Variants in KAZN observed in about 807,000 individuals in gnomAD.
KAZN encodes the protein kazrin.
KAZN carries 40 observed loss-of-function variants against 87.4 expected under a neutral mutation model. That is an observed-to-expected ratio of 0.46 (90% CI 0.36 to 0.60). The LOEUF is 0.60. Ranked by LOEUF, KAZN falls within the 20% of genes least tolerant of loss-of-function variation. The pLI, the probability that KAZN is intolerant of heterozygous loss-of-function variation, is 0.00. For synonymous variants in KAZN, 466 were observed against 458.3 expected (o/e 1.02, Z -0.22); for missense variants, 898 against 1,073.9 (o/e 0.84, Z 2.29).
At chr1:14,247,279 C>T (rs1003417192) in intron 2 of KAZN, among the ~76,000 whole-genome samples, 3 of 152,090 alleles carry the variant, frequency 2.0e-5, no homozygotes, top group African/African-American at 7.2e-5. Context: ...AGTTAAAAAT[C>T]AAGGTAATTT....
At chr1:14,514,644 A>C (rs1318504101) in intron 2 of KAZN, among the ~76,000 whole-genome samples, 4 of 70,706 alleles carry the variant, frequency 5.7e-5, no homozygotes, top group Non-Finnish European at 1.1e-4. Context: ...TATATATCTC[A>C]AATTGCAAAA....
At chr1:14,963,036 G>A (rs1664070740) in intron 2 of KAZN, among the ~76,000 whole-genome samples, 1 of 152,154 alleles carries the variant, frequency 6.6e-6, no homozygotes, top group Admixed American at 6.5e-5. Context: ...GTCTGGAAAG[G>A]TGATAGTTAG....
At chr1:14,757,105 G>A (rs1451629211) in intron 1 of KAZN, among the ~76,000 whole-genome samples, 1 of 152,212 alleles carries the variant, frequency 6.6e-6, no homozygotes, top group African/African-American at 2.4e-5. Flanking sequence ...AGGATTTCAA[G>A]GCCAGTGACT....
At chr1:14,950,089 C>T (rs1662300957) in intron 1 of KAZN, among the ~76,000 whole-genome samples, 1 of 152,126 alleles carries the variant, frequency 6.6e-6, no homozygotes, top group Admixed American at 6.5e-5. Context: ...CCTCCACACC[C>T]ACCCGTAGTA....
chr1:14,197,387 TAAA>T (rs35290614), intron 2 of KAZN, among the ~76,000 whole-genome samples: 64 of 102,272 alleles, frequency 6.3e-4, no homozygotes, highest in African/African-American at 2.0e-3. Context: ...AAGTAAATGT[TAAA>T]AAAAAAAAAA....
chr1:14,102,822 G>T (rs187206665), intron 1 of KAZN, among the ~76,000 whole-genome samples: 61 of 152,162 alleles, frequency 4.0e-4, no homozygotes, highest in Admixed American at 2.0e-3. Context: ...TGAGATCAAG[G>T]TGTCAGCAGG....
chr1:14,915,127 C>T (rs1368241236), intron 1 of KAZN, among the ~76,000 whole-genome samples: 2 of 152,102 alleles, frequency 1.3e-5, no homozygotes. Flanking sequence ...GCGGAGGTTG[C>T]GGTGAGCCAA....
intron 1 of KAZN, among the ~76,000 whole-genome samples, chr1:14,656,677 C>G (rs534058431): frequency 6.6e-6 from 1 of 152,098 alleles, no homozygotes; most frequent in Non-Finnish European, 1.5e-5. Flanking sequence ...CTTACATGGC[C>G]GGAGAAGGAG....
At chr1:14,404,515 A>C (rs551823725) in intron 2 of KAZN, among the ~76,000 whole-genome samples, 8 of 152,304 alleles carry the variant, frequency 5.3e-5, no homozygotes, top group African/African-American at 1.7e-4. Context: ...ACAACAACAA[A>C]AAAATGCATG....
intron 2 of KAZN, among the ~76,000 whole-genome samples, chr1:14,972,326 G>A (rs1338100000): frequency 6.6e-6 from 1 of 152,164 alleles, no homozygotes; most frequent in Non-Finnish European, 1.5e-5. Flanking sequence ...GCAGGGGAGG[G>A]TCATCTTCAG....
chr1:14,932,621 T>C (rs889258134), intron 1 of KAZN, among the ~76,000 whole-genome samples: 1 of 152,112 alleles, frequency 6.6e-6, no homozygotes, highest in African/African-American at 2.4e-5. Context: ...CATGAGTGTT[T>C]CCAAGGCCCG....
chr1:14,707,382 C>A (rs991121649), intron 1 of KAZN, among the ~76,000 whole-genome samples: 4 of 152,204 alleles, frequency 2.6e-5, no homozygotes, highest in African/African-American at 9.6e-5. Context: ...GTCACAATAA[C>A]CAGAGATGTA....
intron 1 of KAZN, among the ~76,000 whole-genome samples, chr1:14,918,735 T>A (rs938467504): frequency 1.8e-5 from 2 of 113,004 alleles, no homozygotes; most frequent in Non-Finnish European, 3.6e-5. Flanking sequence ...TATATATATA[T>A]ATATATATAT....
chr1:15,079,002 C>T (rs1343790360), intron 8 of KAZN, among the ~76,000 whole-genome samples: 5 of 152,164 alleles, frequency 3.3e-5, no homozygotes, highest in South Asian at 2.1e-4. Context: ...AAGAAACTCC[C>T]GGGAGGCAGT....
At chr1:15,093,874 T>C (rs970088355) in intron 8 of KAZN, among the ~76,000 whole-genome samples, 11 of 152,342 alleles carry the variant, frequency 7.2e-5, no homozygotes, top group Admixed American at 6.5e-4. Context: ...CGGCTTGACT[T>C]TTCCCTTTGG....
intron 1 of KAZN, among the ~76,000 whole-genome samples, chr1:14,823,064 G>A (rs888455217): frequency 1.3e-5 from 2 of 152,106 alleles, no homozygotes; most frequent in African/African-American, 4.8e-5. Context: ...GTGTTTGCTG[G>A]GGAGACAACT....
At chr1:14,688,219 G>C (rs1490388042) in intron 1 of KAZN, among the ~76,000 whole-genome samples, 1 of 152,218 alleles carries the variant, frequency 6.6e-6, no homozygotes, top group Non-Finnish European at 1.5e-5. Context: ...GTTCTAGCTA[G>C]CTGGCCATGG....
At chr1:14,924,079 C>G (rs1398021759) in intron 1 of KAZN, 1 of 954,578 alleles carries the variant, frequency 1.0e-6, no homozygotes, top group Non-Finnish European at 1.2e-6. Context: ...CGGGGCGAGC[C>G]TCGGCAGTCG....
intron 2 of KAZN, among the ~76,000 whole-genome samples, chr1:15,017,846 C>T (rs1670282662): frequency 1.3e-5 from 2 of 152,066 alleles, no homozygotes; most frequent in Admixed American, 1.3e-4. Flanking sequence ...ACCCCGATGT[C>T]ACCCCTATAA....
Sources: allele counts gnomAD v4.1 joint callset (sites outside exome capture counted in the v4.1 genomes callset), GRCh38; gene constraint gnomAD v4.1.1; transcripts MANE v1.5; gene names NCBI Gene and HGNC (gene_info 2026-07-23, HGNC 2026-07-21).